The following OPHN1 variants were observed in gnomAD, a reference collection of about 807,000 sequenced individuals.
OPHN1 encodes the protein oligophrenin-1.
OPHN1 carries 11 observed loss-of-function variants against 60.7 expected under a neutral mutation model. The ratio of observed to expected loss-of-function variants is 0.18; its 90% CI spans 0.11 to 0.30. The LOEUF is 0.30. Among genes scored for constraint, OPHN1 ranks in the 10% least tolerant of loss-of-function variants. The pLI, the probability that OPHN1 is intolerant of heterozygous loss-of-function variation, is 1.00. For synonymous variants in OPHN1, 226 were observed against 222.6 expected, an observed-to-expected ratio of 1.02 and a Z score of -0.14; for missense variants, 449 against 611.0, an observed-to-expected ratio of 0.73 and a Z score of 2.80.
chrX:68,054,591 A>G (rs1192130605), intron 21 of OPHN1, among the ~76,000 whole-genome samples: 1 of 111,968 alleles, frequency 8.9e-6, no homozygotes, highest in Non-Finnish European at 1.9e-5. Flanking sequence ...AACAAAAAAA[A>G]CACTTAAGAA....
At chrX:68,256,410 C>G (rs1284528481) in intron 5 of OPHN1, among the ~76,000 whole-genome samples, 1 of 111,694 alleles carries the variant, frequency 9.0e-6, no homozygotes, top group East Asian at 2.8e-4. Flanking sequence ...TTTGAGGCTG[C>G]TTTTCATTAA....
intron 18 of OPHN1, among the ~76,000 whole-genome samples, chrX:68,107,913 A>G (rs2147423168): frequency 8.9e-6 from 1 of 112,156 alleles, no homozygotes; most frequent in African/African-American, 3.2e-5. Context: ...TAATGTGAAC[A>G]TCCTATTCCT....
chrX:68,157,932 G>T (rs1265563428), intron 15 of OPHN1, among the ~76,000 whole-genome samples: 1 of 111,949 alleles, frequency 8.9e-6, no homozygotes, highest in Non-Finnish European at 1.9e-5. Context: ...ATAAAGAGGT[G>T]CTATTTTCTT....
intron 15 of OPHN1, among the ~76,000 whole-genome samples, chrX:68,174,068 A>T (rs1362263301): frequency 8.9e-6 from 1 of 111,917 alleles, no homozygotes; most frequent in Non-Finnish European, 1.9e-5. Flanking sequence ...GAATCAATGA[A>T]CAAATGTCTT....
intron 5 of OPHN1, among the ~76,000 whole-genome samples, chrX:68,268,308 T>C (rs938861475): frequency 9.0e-6 from 1 of 111,606 alleles, no homozygotes; most frequent in African/African-American, 3.3e-5. Flanking sequence ...TTTAGACCAA[T>C]ATCCCTGATG....
chrX:68,146,756 A>G (rs1417851785), intron 15 of OPHN1, among the ~76,000 whole-genome samples: 1 of 112,466 alleles, frequency 8.9e-6, no homozygotes, highest in Non-Finnish European at 1.9e-5. Flanking sequence ...CAAAGACCTC[A>G]GATGCTTACC....
intron 15 of OPHN1, among the ~76,000 whole-genome samples, chrX:68,175,780 G>A (rs923188326): frequency 8.9e-6 from 1 of 111,853 alleles, no homozygotes; most frequent in Admixed American, 9.6e-5. Flanking sequence ...TATTGCAACA[G>A]TCTAAATAAA....
rs187312159 is a variant in OPHN1, at chrX:68,075,810, C to T, written c.1687-2511G>A. ...AAAAAAAAAAAAAAAAACTTCAATT[C>T]GTATCTTATACCACAGAAGAAAACT... On this transcript the variant is annotated intron_variant, in intron 19 of 24. Transcript: ENST00000355520. 2.0e-3 allele frequency among the ~76,000 whole-genome samples: 200 copies of T among 100,712 alleles called. 1 individual carries two copies. The highest frequency in any genetic ancestry group is 3.7e-3 in the Non-Finnish European group (184 of 50,115). 87.5% of individuals were successfully genotyped at this position (100,712 alleles called of 115,157 possible).
intron 2 of OPHN1, among the ~76,000 whole-genome samples, chrX:68,371,629 C>G (rs1029457948): frequency 3.6e-5 from 4 of 111,981 alleles, no homozygotes; most frequent in Non-Finnish European, 7.5e-5. Flanking sequence ...TAGACTGTAC[C>G]ATATAGCCTT....
chrX:68,253,440 C>T (rs1390309188), intron 5 of OPHN1, among the ~76,000 whole-genome samples: 1 of 111,256 alleles, frequency 9.0e-6, no homozygotes, highest in Non-Finnish European at 1.9e-5. Context: ...CTGGTGATTA[C>T]ATCTGACTAG....
intron 2 of OPHN1, among the ~76,000 whole-genome samples, chrX:68,362,154 T>C (rs1569292148): frequency 8.9e-6 from 1 of 112,434 alleles, no homozygotes; most frequent in East Asian, 2.8e-4. Flanking sequence ...AAATATTTTA[T>C]CCCATTTCAT....
At position 68,123,968 on chromosome X, in the gene OPHN1, T is replaced by C. The variant is rs181053750; in HGVS notation, c.1277-4636A>G. On this transcript the variant is annotated intron_variant, in intron 15 of 24. Coordinates refer to ENST00000355520, the MANE Select transcript of OPHN1 (RefSeq NM_002547.3). Reference sequence around the variant, plus strand: ...AGCTGAATGGATAAAAAAAAATAGATCAAATGACTCTTGCCTACAAAAAAC... The same window carrying C: ...AGCTGAATGGATAAAAAAAAATAGACCAAATGACTCTTGCCTACAAAAAAC... 7.9e-3 allele frequency among the ~76,000 whole-genome samples: 852 copies of C among 107,835 alleles called. 7 individuals carry two copies. Among genetic ancestry groups the C allele is most frequent in the South Asian group, 0.026 (65 of 2,479 alleles). 93.6% of individuals were successfully genotyped at this position (107,835 alleles called of 115,157 possible).
At chrX:68,339,224 T>A (rs932124510) in intron 2 of OPHN1, among the ~76,000 whole-genome samples, 11 of 109,519 alleles carry the variant, frequency 1.0e-4, no homozygotes, top group Non-Finnish European at 3.8e-5. Flanking sequence ...TCTTTCTTTA[T>A]AAAAACATTC....
chrX:68,217,115 G>A (rs1054865185), intron 6 of OPHN1, among the ~76,000 whole-genome samples: 3 of 112,023 alleles, frequency 2.7e-5, no homozygotes, highest in Non-Finnish European at 5.6e-5. Context: ...GCCTCACTTG[G>A]GAAGCGCAAG....
In OPHN1 at chrX:68,043,620, T is replaced by C. The variant is rs957524638; in HGVS notation, c.*3552A>G. The C allele has an allele frequency of 8.9e-6, 1 of 111,883 alleles. No individual in the cohort carries two copies. The highest frequency in any genetic ancestry group is 1.9e-5 in the Non-Finnish European group (1 of 53,233). The allele number at this position is 111,883 out of a possible 1,213,427, so 9.2% of individuals were successfully genotyped here. A position where few individuals can be genotyped will look rare whatever the true frequency, so the allele number is the denominator to read the frequency against. On this transcript the variant is annotated 3_prime_UTR_variant, in exon 25 of 25. Transcript: ENST00000355520. Reference sequence around the variant, plus strand: ...AAAGAACTTCTTGAAAAGAGAATACTTTCCCATGATAACCAATTACTTTAG... The same window carrying C: ...AAAGAACTTCTTGAAAAGAGAATACCTTCCCATGATAACCAATTACTTTAG...
chrX:68,216,214 A>G (rs2077607782), intron 6 of OPHN1, among the ~76,000 whole-genome samples: 1 of 111,684 alleles, frequency 9.0e-6, no homozygotes, highest in Non-Finnish European at 1.9e-5. Flanking sequence ...TAAGGCAACC[A>G]TTAAAAAATG....
intron 2 of OPHN1, among the ~76,000 whole-genome samples, chrX:68,333,671 GCA>G (rs368691205): frequency 0.025 from 2,697 of 107,210 alleles, 95 homozygotes; most frequent in African/African-American, 0.085. Flanking sequence ...GCGCGTGCGT[GCA>G]CACACACACA....
intron 15 of OPHN1, among the ~76,000 whole-genome samples, chrX:68,127,890 C>T (rs1409892144): frequency 9.0e-6 from 1 of 111,202 alleles, no homozygotes; most frequent in African/African-American, 3.3e-5. Context: ...AACTCTTCAC[C>T]GAGTTTAATG....
intron 20 of OPHN1, among the ~76,000 whole-genome samples, chrX:68,065,860 G>T (rs904803554): frequency 8.9e-6 from 1 of 112,098 alleles, no homozygotes; most frequent in African/African-American, 3.2e-5. Context: ...TGCTGCAAAG[G>T]TTTTTGTCCC....
Sources: gnomAD v4.1 joint callset for allele counts (sites outside exome capture counted in the v4.1 genomes callset) on GRCh38, gnomAD v4.1.1 for gene constraint, MANE v1.5 for transcripts, NCBI Gene and HGNC (gene_info 2026-07-23, HGNC 2026-07-21) for gene names.